Variants in NALF1 observed in about 807,000 individuals in gnomAD.
NALF1 encodes family with sequence similarity 155 member A.
A neutral mutation model predicts 48.4 loss-of-function variants in NALF1; 3 were observed. The observed-to-expected ratio is 0.06, with a 90% CI of 0.03 to 0.16. The LOEUF is 0.16. Among genes scored for constraint, NALF1 ranks in the 10% least tolerant of loss-of-function variants. The pLI is 1.00. For missense variants in NALF1, 526 were observed against 571.5 expected, an observed-to-expected ratio of 0.92 and a Z score of 0.81; for synonymous variants, 262 against 245.7, an observed-to-expected ratio of 1.07 and a Z score of -0.62.
At chr13:107,682,112 C>G (rs1239149003) in intron 1 of NALF1, among the ~76,000 whole-genome samples, 1 of 152,186 alleles carries the variant, frequency 6.6e-6, no homozygotes, top group Non-Finnish European at 1.5e-5. Context: ...ATATGCTGGT[C>G]CTAACCAGAC....
At chr13:107,185,287 T>C (rs1879147073) in intron 2 of NALF1, among the ~76,000 whole-genome samples, 1 of 152,160 alleles carries the variant, frequency 6.6e-6, no homozygotes, top group Non-Finnish European at 1.5e-5. Context: ...TGGTACTTTG[T>C]TACAATGGTG....
intron 1 of NALF1, among the ~76,000 whole-genome samples, chr13:107,570,375 TATA>T (rs1352312063): frequency 1.1e-3 from 164 of 152,172 alleles, no homozygotes; most frequent in Non-Finnish European, 1.0e-4. Flanking sequence ...CTATTCCTAG[TATA>T]ATGACAATTT....
At chr13:107,511,297 T>A (rs1875882880) in intron 1 of NALF1, among the ~76,000 whole-genome samples, 2 of 152,188 alleles carry the variant, frequency 1.3e-5, no homozygotes, top group Admixed American at 6.5e-5. Flanking sequence ...TTATTCTACA[T>A]GGCTTTAAAA....
intron 1 of NALF1, among the ~76,000 whole-genome samples, chr13:107,542,808 T>C (rs1877032957): frequency 6.6e-6 from 1 of 152,160 alleles, no homozygotes. Flanking sequence ...TTAGAAAATC[T>C]ATTAACATAT....
At chr13:107,361,480 G>A (rs1165749013) in intron 1 of NALF1, among the ~76,000 whole-genome samples, 1 of 151,674 alleles carries the variant, frequency 6.6e-6, no homozygotes, top group Non-Finnish European at 1.5e-5. Context: ...GGACTGTAGG[G>A]GAAAAAAAAG....
At chr13:107,743,295 G>A (rs1001811517) in intron 1 of NALF1, among the ~76,000 whole-genome samples, 3 of 152,070 alleles carry the variant, frequency 2.0e-5, no homozygotes, top group Non-Finnish European at 2.9e-5. Context: ...TAAGTGATTC[G>A]TAAGATCAGT....
intron 1 of NALF1, among the ~76,000 whole-genome samples, chr13:107,625,155 C>A (rs1879633451): frequency 6.6e-6 from 1 of 152,094 alleles, no homozygotes; most frequent in African/African-American, 2.4e-5. Flanking sequence ...TACATTTCCA[C>A]TAGCACCTGA....
At chr13:107,347,873 T>C (rs1882802613) in intron 1 of NALF1, among the ~76,000 whole-genome samples, 1 of 152,218 alleles carries the variant, frequency 6.6e-6, no homozygotes, top group Admixed American at 6.5e-5. Context: ...GCTTTTAAGA[T>C]GCGTGGGTAT....
At chr13:107,653,774 C>G (rs939237757) in intron 1 of NALF1, among the ~76,000 whole-genome samples, 3 of 151,932 alleles carry the variant, frequency 2.0e-5, no homozygotes, top group African/African-American at 7.3e-5. Flanking sequence ...ATAGGGCTCC[C>G]CATCTCACAC....
At chr13:107,413,046 G>T (rs1884019537) in intron 1 of NALF1, among the ~76,000 whole-genome samples, 1 of 152,108 alleles carries the variant, frequency 6.6e-6, no homozygotes, top group South Asian at 2.1e-4. Context: ...ACCTGGAATT[G>T]TTGAATATGT....
intron 1 of NALF1, among the ~76,000 whole-genome samples, chr13:107,742,435 C>T (rs935779531): frequency 2.6e-5 from 4 of 152,190 alleles, no homozygotes; most frequent in Non-Finnish European, 5.9e-5. Context: ...GGGGCGGTTA[C>T]TCCCATGTTG....
chr13:107,325,302 A>C (rs1007534950), intron 1 of NALF1, among the ~76,000 whole-genome samples: 10 of 152,180 alleles, frequency 6.6e-5, no homozygotes, highest in African/African-American at 2.4e-4. Flanking sequence ...ATGCATGATG[A>C]TGATGAGCTA....
intron 1 of NALF1, among the ~76,000 whole-genome samples, chr13:107,213,330 T>C (rs1237009654): frequency 6.7e-6 from 1 of 150,232 alleles, no homozygotes; most frequent in Non-Finnish European, 1.5e-5. Flanking sequence ...AGAAAAGTGA[T>C]CGAGCATCAT....
chr13:107,671,290 C>T (rs1880984828), intron 1 of NALF1, among the ~76,000 whole-genome samples: 1 of 151,890 alleles, frequency 6.6e-6, no homozygotes, highest in African/African-American at 2.4e-5. Context: ...ATAAAGAATA[C>T]AGATGATAAA....
chr13:107,554,372 TTG>T (rs1230311324), intron 1 of NALF1, among the ~76,000 whole-genome samples: 3 of 152,182 alleles, frequency 2.0e-5, no homozygotes, highest in African/African-American at 7.2e-5. Flanking sequence ...GTGAGAGAGT[TTG>T]TGAGGCCTGA....
At chr13:107,515,614 C>G (rs1048036731) in intron 1 of NALF1, among the ~76,000 whole-genome samples, 1 of 152,132 alleles carries the variant, frequency 6.6e-6, no homozygotes, top group Non-Finnish European at 1.5e-5. Context: ...CTAATAATAA[C>G]CAGGTATTCT....
intron 1 of NALF1, among the ~76,000 whole-genome samples, chr13:107,507,505 G>A (rs753428588): frequency 1.6e-4 from 23 of 142,650 alleles, no homozygotes; most frequent in South Asian, 6.7e-4. Context: ...TTTATGTATC[G>A]TTAAAAGCCC....
At chr13:107,287,746 C>T (rs1275616615) in intron 1 of NALF1, among the ~76,000 whole-genome samples, 1 of 137,226 alleles carries the variant, frequency 7.3e-6, no homozygotes, top group South Asian at 2.4e-4. Flanking sequence ...TGTTTTGTCG[C>T]CCAGGCTGGA....
chr13:107,494,638 T>C (rs959959041), intron 1 of NALF1, among the ~76,000 whole-genome samples: 4 of 152,200 alleles, frequency 2.6e-5, no homozygotes, highest in South Asian at 4.1e-4. Flanking sequence ...GTCTGTTTGC[T>C]TTACCTATGG....
Sources: gnomAD v4.1 joint callset for allele counts (sites outside exome capture counted in the v4.1 genomes callset) on GRCh38, gnomAD v4.1.1 for gene constraint, MANE v1.5 for transcripts, NCBI Gene and HGNC (gene_info 2026-07-23, HGNC 2026-07-21) for gene names.